Variants in GNL3 observed in about 807,000 individuals in gnomAD.
The protein encoded by GNL3 is guanine nucleotide-binding protein-like 3.
Under a neutral mutation model 70.6 loss-of-function variants are expected in GNL3, and 77 were observed. The ratio of observed to expected loss-of-function variants is 1.09; its 90% CI spans 0.91 to 1.32. The LOEUF is 1.32. GNL3 is among the 40% of genes most tolerant of loss of function. The probability of loss-of-function intolerance (pLI) is 0.00; values close to 1 mark genes in which losing one functional copy is unlikely to be tolerated. For synonymous variants in GNL3, 252 were observed against 216.1 expected, an observed-to-expected ratio of 1.17 and a Z score of -1.46; for missense variants, 634 against 644.0, an observed-to-expected ratio of 0.98 and a Z score of 0.17.
chr3:52,688,546 T>C (rs35911561), intron 5 of GNL3, among the ~76,000 whole-genome samples: 20,195 of 152,202 alleles, frequency 0.13, 1,664 homozygotes, highest in African/African-American at 0.23. Flanking sequence ...AAGCATGATT[T>C]ACAACATTAA....
In GNL3 at chr3:52,691,662, A is replaced by G. The variant is rs371777506; in HGVS notation, c.869+33A>G. On this transcript the variant is annotated intron_variant, in intron 9 of 14. Coordinates refer to ENST00000418458, the MANE Select transcript of GNL3 (RefSeq NM_014366.5). ...GAGGTGTCCATAATTGTAATATTAT[A>G]GTGACACACTATTTTATTTTGGTTA... 1.9e-4 allele frequency: 208 copies of G among 1,068,526 alleles called. No homozygotes were observed. The African/African-American group carries it at 2.5e-3, about 13-fold the overall frequency. 66.2% of individuals were successfully genotyped at this position (1,068,526 alleles called of 1,614,324 possible).
chr3:52,687,225 A>G (rs1160912872), intron 2 of GNL3, 21 bp from the exon 3 acceptor site: 8 of 1,593,204 alleles, frequency 5.0e-6, no homozygotes, highest in African/African-American at 1.4e-5. Context: ...GTAAGCAGAC[A>G]AAATCTCTTT....
intron 9 of GNL3, 68 bp downstream of exon 9, chr3:52,691,697 AG>A: frequency 1.2e-6 from 1 of 824,856 alleles, no homozygotes; most frequent in Admixed American, 2.4e-5. Context: ...ATCTCAAGGA[AG>A]GTGATTTTTT....
In GNL3 at chr3:52,693,471, G is replaced by A; in HGVS notation, c.1251G>A (p.Glu417=). 6.2e-7 allele frequency: 1 copy of A among 1,614,006 alleles called. No individual in the cohort carries two copies. The highest frequency in any genetic ancestry group is 8.5e-7 in the Non-Finnish European group (1 of 1,179,890). Residue 417 remains glutamate, a synonymous_variant, in exon 12 of 15, where the codon GAG becomes GAA. Coordinates refer to ENST00000418458, the MANE Select transcript of GNL3 (RefSeq NM_014366.5). The part of the protein sequence containing the change: ...TSWTPPPYFN[E]SIVVDMKSGF... ...GGACTCCTCCTCCATATTTTAATGA[G>A]AGTATTGTGGTAGACATGAAAAGCG...
chr3:52,690,465 G>C lies in GNL3; in HGVS notation c.542-127G>C, dbSNP rs9814833. Reference sequence around the variant, plus strand: ...TTTTTAGTAGAGACGGGGTTTTATCGTGTTAGCCAGGATGGTCTTGATCTC... The same window carrying C: ...TTTTTAGTAGAGACGGGGTTTTATCCTGTTAGCCAGGATGGTCTTGATCTC... On this transcript the variant is annotated intron_variant, in intron 6 of 14. Coordinates refer to ENST00000418458, the MANE Select transcript of GNL3 (RefSeq NM_014366.5). 2.9e-3 allele frequency: 1,759 copies of C among 606,086 alleles called. 21 individuals carry two copies. The African/African-American group carries it at 0.03, about 10-fold the overall frequency. The allele number at this position is 606,086 out of a possible 1,614,324, so 37.5% of individuals were successfully genotyped here. A position where few individuals can be genotyped will look rare whatever the true frequency, so the allele number is the denominator to read the frequency against.
At position 52,692,962 on chromosome 3, in the gene GNL3, T is replaced by TG; in HGVS notation, c.961dup (p.Ala321GlyfsTer9). 1.9e-6 allele frequency: 3 copies of TG among 1,613,904 alleles called. No homozygotes were observed. The highest frequency in any genetic ancestry group is 1.7e-6 in the Non-Finnish European group (2 of 1,179,746). ...CTCCACTTAATTCCTCCTCTGCGCT[T>TG]GCTCTGCGAAGTCCAGCAAGTATTG... On this transcript the variant is annotated frameshift_variant, in exon 10 of 15. Transcript: ENST00000418458. LOFTEE classifies it high-confidence loss of function.
Position 52,691,559 on chromosome 3 carries a change from A to G in GNL3, c.799A>G (p.Lys267Glu), listed in dbSNP as rs1226800502. ...ATTTGTAGGTTTCCCAAATGTGGGG[A>G]AAAGCAGCATTATCAATAGCTTAAA... ...VGVIGFPNVG[K>E]SSIINSLKQE... The change falls in exon 9 of 15, where the codon AAA becomes GAA. Residue 267 changes from lysine to glutamate, a missense_variant. By Grantham distance (56) the Lys-to-Glu change is moderately conservative. Coordinates refer to ENST00000418458, the MANE Select transcript of GNL3 (RefSeq NM_014366.5). The G allele has an allele frequency of 6.3e-7, 1 of 1,590,002 alleles. No homozygotes were observed. The highest frequency in any genetic ancestry group is 1.7e-4 in the Middle Eastern group (1 of 6,000).
At chr3:52,689,929 GCAA>G (rs2097325722) in intron 6 of GNL3, among the ~76,000 whole-genome samples, 1 of 152,196 alleles carries the variant, frequency 6.6e-6, no homozygotes. Context: ...TCCAGCCTGG[GCAA>G]CAACACTTCG....
rs189515246 is a variant in GNL3 at position 52,693,175 on chromosome 3, T to A, written c.1045-12T>A. ...ATGAAGGACAGCTCCTTTGTTTGGTTTTTTTTTTAAGGTAGTACTGAAATA... is the reference window on the plus strand; with the variant it reads ...ATGAAGGACAGCTCCTTTGTTTGGTATTTTTTTTAAGGTAGTACTGAAATA... On this transcript the variant is annotated splice_polypyrimidine_tract_variant and intron_variant, in intron 10 of 14. Transcript: ENST00000418458. 1.3e-6 allele frequency: 2 copies of A among 1,588,982 alleles called. No individual in the cohort carries two copies. Among genetic ancestry groups the A allele is most frequent in the African/African-American group, 2.7e-5 (2 of 72,984 alleles).
In GNL3 at chr3:52,693,753, G is replaced by T. The variant is rs1470898486; in HGVS notation, c.1446G>T (p.Glu482Asp). 6.2e-7 allele frequency: 1 copy of T among 1,613,962 alleles called. No individual in the cohort carries two copies. The highest frequency in any genetic ancestry group is 8.5e-7 in the Non-Finnish European group (1 of 1,179,936). ...CAAAACGGAAAGAAAGGAAGCAGGA[G>T]GAGAGGGAGGATGACAAAGACAGTG... is the stretch of plus-strand genomic sequence containing the variant. ...ELPKRKERKQ[E>D]EREDDKDSDQ... The change falls in exon 13 of 15, where the codon GAG becomes GAT. Residue 482 changes from glutamate to aspartate, a missense_variant. By Grantham distance (45) the Glu-to-Asp change is conservative. Coordinates refer to ENST00000418458, the MANE Select transcript of GNL3 (RefSeq NM_014366.5).
At chr3:52,691,149 A>G in intron 8 of GNL3, 78 bp downstream of exon 8, 1 of 1,289,598 alleles carries the variant, frequency 7.8e-7, no homozygotes, top group Non-Finnish European at 1.1e-6. Flanking sequence ...CAAGTGCCCA[A>G]GCAGCAGTGT....
chr3:52,690,797 T>C (rs1296935196), intron 7 of GNL3, 93 bp downstream of exon 7: 1 of 1,152,710 alleles, frequency 8.7e-7, no homozygotes, highest in Non-Finnish European at 1.3e-6. Flanking sequence ...GAATGAAAAA[T>C]TACAAGATCC....
At chr3:52,690,823 C>A in intron 7 of GNL3, 119 bp downstream of exon 7, 1 of 1,179,588 alleles carries the variant, frequency 8.5e-7, no homozygotes, top group Non-Finnish European at 1.2e-6. Flanking sequence ...TGATTTCAGC[C>A]AGAGATCATC....
At chr3:52,687,040 A>T in intron 2 of GNL3, 1 of 630,398 alleles carries the variant, frequency 1.6e-6, no homozygotes, top group Non-Finnish European at 2.8e-6. Flanking sequence ...CAGCATGTTA[A>T]TCTCTGCATA....
At chr3:52,686,001 G>A, upstream of GNL3, 3 of 779,694 alleles carry the variant, frequency 3.8e-6, no homozygotes, top group East Asian at 2.5e-5. Context: ...TACGGCGGCA[G>A]CGTAAGTGCG....
Position 52,687,558 on chromosome 3 carries a change from A to T in GNL3, c.267A>T (p.Lys89Asn). Residue 89 changes from lysine (K) to asparagine (N), a missense_variant, in exon 4 of 15, where the codon AAA becomes AAT. Lys to Asn is a moderately conservative substitution (Grantham distance 94). Coordinates refer to ENST00000418458, the MANE Select transcript of GNL3 (RefSeq NM_014366.5). Reference sequence around the variant, plus strand: ...ACAGGCAGAAGGAACTAGAAAAGAAAAGAAAACTTGAAACTAATCCTGATA... The same window carrying T: ...ACAGGCAGAAGGAACTAGAAAAGAATAGAAAACTTGAAACTAATCCTGATA... ...KLDRQKELEKKRKLETNPDIK... is the reference protein window; with the variant it reads ...KLDRQKELEKNRKLETNPDIK... 6.2e-7 allele frequency: 1 copy of T among 1,613,822 alleles called. No individual in the cohort carries two copies. The highest frequency in any genetic ancestry group is 8.5e-7 in the Non-Finnish European group (1 of 1,179,638).
rs200540497 is a variant in GNL3 at position 52,692,872 on chromosome 3, G to A, written c.870G>A (p.Arg290=). The A allele has an allele frequency of 2.1e-5, 34 of 1,610,742 alleles. No homozygotes were observed. In the East Asian group the frequency reaches 4.9e-4, roughly 23 times the overall value. ...CNVGVSMGLT[R]SMQVVPLDKQ... ...ATCAATTCCATCGCTCTTCTTTCAG[G>A]AGCATGCAAGTTGTCCCCTTGGACA... The change falls in exon 10 of 15, where the codon AGG becomes AGA. Residue 290 remains arginine, a splice_region_variant and synonymous_variant. Transcript: ENST00000418458.
Position 52,686,072 on chromosome 3 carries a change from G to A in GNL3, c.-21G>A, listed in dbSNP as rs373856582. On this transcript the variant is annotated 5_prime_UTR_variant, in exon 1 of 15. The change creates a new upstream start codon in the 5' untranslated region. Transcript: ENST00000418458. The stretch of plus-strand genomic sequence containing the variant: ...CCAGCGGAGGCAGGTTGATGTGTTT[G>A]TGCTTCCTTCTACAGCCAATATGAA... The A allele has an allele frequency of 7.9e-6, 9 of 1,134,674 alleles. No homozygotes were observed. Among genetic ancestry groups the A allele is most frequent in the Middle Eastern group, 3.8e-4 (2 of 5,196 alleles). The allele number at this position is 1,134,674 out of a possible 1,614,324, so 70.3% of individuals were successfully genotyped here. A position where few individuals can be genotyped will look rare whatever the true frequency, so the allele number is the denominator to read the frequency against.
rs1393731399 is a variant in GNL3 at position 52,692,922 on chromosome 3, C to G, written c.920C>G (p.Pro307Arg). ...AAACAGATCACAATCATAGATAGTCCGAGCTTCATCGTATCTCCACTTAAT... is the reference window on the plus strand; with the variant it reads ...AAACAGATCACAATCATAGATAGTCGGAGCTTCATCGTATCTCCACTTAAT... ...LDKQITIIDSPSFIVSPLNSS... is the reference protein window; with the variant it reads ...LDKQITIIDSRSFIVSPLNSS... Residue 307 changes from proline (P) to arginine (R), a missense_variant, in exon 10 of 15, where the codon CCG becomes CGG. Physicochemically the swap from Pro to Arg is moderately radical, Grantham distance 103. Transcript: ENST00000418458. 1 of 1,613,052 alleles carries G rather than the reference C, an allele frequency of 6.2e-7. No homozygotes were observed. Among genetic ancestry groups the G allele is most frequent in the African/African-American group, 1.3e-5 (1 of 74,908 alleles).
Sources: gnomAD v4.1 joint callset for allele counts (sites outside exome capture counted in the v4.1 genomes callset) on GRCh38, gnomAD v4.1.1 for gene constraint, MANE v1.5 for transcripts, NCBI Gene and HGNC (gene_info 2026-07-23, HGNC 2026-07-21) for gene names.